The following TENT5B variants were observed in gnomAD, a reference collection of about 807,000 sequenced individuals.
The protein encoded by TENT5B is terminal nucleotidyltransferase 5B, also known as family with sequence similarity 46 member B.
TENT5B carries 12 observed loss-of-function variants against 21.7 expected under a neutral mutation model. The observed-to-expected ratio is 0.55, with a 90% confidence interval of 0.36 to 0.90. TENT5B has a LOEUF of 0.90. Ranked by LOEUF, TENT5B falls within the 40% of genes least tolerant of loss-of-function variation. The probability of loss-of-function intolerance (pLI) is 0.01; values close to 1 mark genes in which losing one functional copy is unlikely to be tolerated. For missense variants in TENT5B, 540 were observed against 601.5 expected, an observed-to-expected ratio of 0.90 and a Z score of 1.07; for synonymous variants, 262 against 266.6, an observed-to-expected ratio of 0.98 and a Z score of 0.17.
intron 1 of TENT5B, among the ~76,000 whole-genome samples, chr1:27,010,778 C>G (rs752823302): frequency 6.6e-6 from 1 of 152,214 alleles, no homozygotes; most frequent in Non-Finnish European, 1.5e-5. Context: ...GGACATGGCA[C>G]CACCATTGCA....
intron 1 of TENT5B, among the ~76,000 whole-genome samples, chr1:27,010,174 G>A (rs1290000296): frequency 6.6e-6 from 1 of 152,172 alleles, no homozygotes; most frequent in Non-Finnish European, 1.5e-5. Flanking sequence ...GAAGGCAAAG[G>A]ACTTGTCCAA....
chr1:27,011,575 C>T (rs1195438629), intron 1 of TENT5B, among the ~76,000 whole-genome samples: 2 of 152,132 alleles, frequency 1.3e-5, no homozygotes, highest in African/African-American at 4.8e-5. Context: ...AATGACCACA[C>T]TGTGGTATTT....
chr1:27,005,980 C>T lies in TENT5B; in HGVS notation c.1242G>A (p.Leu414=). The T allele has an allele frequency of 6.3e-7, 1 of 1,588,286 alleles. No homozygotes were observed. Among genetic ancestry groups the T allele is most frequent in the South Asian group, 1.1e-5 (1 of 87,068 alleles). The stretch of plus-strand genomic sequence containing the variant: ...GCAGCCAGGTGGGATAGGCGTGAGC[C>T]AGGAGAGGTTGCACGGGGGTCACGT... The part of the protein sequence containing the change: ...NYYVTPVQPL[L]AHAYPTWLPC... The change falls in exon 2 of 2, where the codon CTG becomes CTA. Residue 414 remains leucine (L), a synonymous_variant. Transcript: ENST00000289166.
rs550466038 is a variant in TENT5B, at chr1:27,005,039, A to G, written c.*905T>C. 6.6e-6 allele frequency: 1 copy of G among 152,638 alleles called. No homozygotes were observed. Among genetic ancestry groups the G allele is most frequent in the Non-Finnish European group, 1.5e-5 (1 of 68,050 alleles). 9.5% of individuals were successfully genotyped at this position (152,638 alleles called of 1,614,324 possible). ...CTAAGGTTCAGTGTAGACCGTCTTT[A>G]TTGGCAGGTGTTAAGAGTGCAAAAT... On this transcript the variant is annotated 3_prime_UTR_variant, in exon 2 of 2. Coordinates refer to ENST00000289166, the MANE Select transcript of TENT5B (RefSeq NM_052943.4).
At chr1:27,007,316 TAC>T (rs1291421067) in intron 1 of TENT5B, among the ~76,000 whole-genome samples, 2 of 151,740 alleles carry the variant, frequency 1.3e-5, no homozygotes, top group South Asian at 2.1e-4. Context: ...AAAATGGAAG[TAC>T]AGAGGGGCCA....
chr1:27,009,120 G>T (rs538109462), intron 1 of TENT5B, among the ~76,000 whole-genome samples: 2 of 149,362 alleles, frequency 1.3e-5, no homozygotes, highest in African/African-American at 2.5e-5. Flanking sequence ...GTGCGTGCGT[G>T]CCACCACACC....
chr1:27,012,618 A>C lies in TENT5B; in HGVS notation c.53T>G (p.Val18Gly). The C allele has an allele frequency of 1.3e-6, 2 of 1,519,880 alleles. No individual in the cohort carries two copies. Among genetic ancestry groups the C allele is most frequent in the East Asian group, 5.0e-5 (2 of 39,814 alleles). 94.1% of individuals were successfully genotyped at this position (1,519,880 alleles called of 1,614,324 possible). Residue 18 changes from valine to glycine, a missense_variant, in exon 1 of 2, where the codon GTG becomes GGG. Coordinates refer to ENST00000289166, the MANE Select transcript of TENT5B (RefSeq NM_052943.4). ...CACCGCCGTGGCCGCAGCCGTCCCC[A>C]CCTGAGCAGCCGCCCGGTCCCTGCG... ...AERRDRAAAQVGTAAATAVAT... is the reference protein window; with the variant it reads ...AERRDRAAAQGGTAAATAVAT...
In TENT5B at chr1:27,006,475, G is replaced by T; in HGVS notation, c.747C>A (p.Ser249Arg). 1 of 1,614,078 alleles carries T rather than the reference G, an allele frequency of 6.2e-7. No individual in the cohort carries two copies. Among genetic ancestry groups the T allele is most frequent in the East Asian group, 2.2e-5 (1 of 44,880 alleles). The change falls in exon 2 of 2, where the codon AGC (serine) becomes AGA (arginine). Residue 249 changes from serine (S) to arginine (R), a missense_variant. Ser to Arg is a moderately radical substitution (Grantham distance 110). Coordinates refer to ENST00000289166, the MANE Select transcript of TENT5B (RefSeq NM_052943.4). This position sits in a 1 kb window ranked among gnomAD's most constrained non-coding sequence, Gnocchi z 9.4. ...EAFHPTVTGE[S>R]LYGDFTEALE... ...GGGCCTCGGTGAAGTCCCCGTACAGGCTTTCGCCTGTGACCGTTGGGTGGA... is the reference window on the plus strand; with the variant it reads ...GGGCCTCGGTGAAGTCCCCGTACAGTCTTTCGCCTGTGACCGTTGGGTGGA...
intron 1 of TENT5B, among the ~76,000 whole-genome samples, chr1:27,007,433 T>G (rs1438741279): frequency 6.7e-6 from 1 of 148,438 alleles, no homozygotes; most frequent in Non-Finnish European, 1.5e-5. Flanking sequence ...ACTTTGCCAC[T>G]CAGGTTGGAG....
rs557466090 is a variant in TENT5B at position 27,006,703 on chromosome 1, G to A, written c.519C>T (p.Tyr173=). The A allele has an allele frequency of 2.4e-5, 38 of 1,614,156 alleles. No individual in the cohort carries two copies. The highest frequency in any genetic ancestry group is 2.1e-4 in the African/African-American group (16 of 75,058). The part of the protein sequence containing the change: ...KITPLTLKEA[Y]VQKLVKVCTD... ...TGCACACTTTCACCAGCTTCTGCAC[G>A]TATGCCTCCTTGAGTGTCAGTGGCG... The change falls in exon 2 of 2, where the codon TAC becomes TAT. Residue 173 remains tyrosine, a synonymous_variant. Coordinates refer to ENST00000289166, the MANE Select transcript of TENT5B (RefSeq NM_052943.4). This position sits in a 1 kb window ranked among gnomAD's most constrained non-coding sequence, Gnocchi z 9.4.
intron 1 of TENT5B, among the ~76,000 whole-genome samples, chr1:27,008,597 T>C (rs1472665026): frequency 6.6e-6 from 1 of 151,658 alleles, no homozygotes; most frequent in Non-Finnish European, 1.5e-5. Context: ...GTTGCCAGAA[T>C]CTATGGGGAC....
At chr1:27,010,654 C>T (rs1412227523) in intron 1 of TENT5B, among the ~76,000 whole-genome samples, 1 of 152,160 alleles carries the variant, frequency 6.6e-6, no homozygotes, top group East Asian at 1.9e-4. Flanking sequence ...ACAAACAGTC[C>T]AGGGCCTGAA....
chr1:27,006,169 G>A lies in TENT5B; in HGVS notation c.1053C>T (p.Asn351=), dbSNP rs1215668844. ...ACLVTLHRVV[N]ESTVCLMNHE... is the part of the protein sequence containing the mutation. ...GGTTCATGAGGCACACGGTGCTCTC[G>A]TTGACCACCCGGTGCAGTGTCACCA... The change falls in exon 2 of 2, where the codon AAC becomes AAT. Residue 351 remains asparagine (N), a synonymous_variant. Coordinates refer to ENST00000289166, the MANE Select transcript of TENT5B (RefSeq NM_052943.4). This position sits in a 1 kb window ranked among gnomAD's most constrained non-coding sequence, Gnocchi z 9.4. The A allele has an allele frequency of 1.1e-5, 17 of 1,611,088 alleles. No homozygotes were observed. The highest frequency in any genetic ancestry group is 6.7e-5 in the East Asian group (3 of 44,826).
In TENT5B at chr1:27,012,784, C is replaced by G; in HGVS notation, c.-114G>C. On this transcript the variant is annotated 5_prime_UTR_variant, in exon 1 of 2. Coordinates refer to ENST00000289166, the MANE Select transcript of TENT5B (RefSeq NM_052943.4). ...GGGGGGCACGAAGGCAGGGACGGGG[C>G]GGCAACGACGGCGAGACAAAGCCAG... 1 of 1,247,920 alleles carries G rather than the reference C, an allele frequency of 8.0e-7. No individual in the cohort carries two copies. The allele number at this position is 1,247,920 out of a possible 1,614,324, so 77.3% of individuals were successfully genotyped here. A position where few individuals can be genotyped will look rare whatever the true frequency, so the allele number is the denominator to read the frequency against.
In TENT5B at chr1:27,005,969, T is replaced by C. The variant is rs776710051; in HGVS notation, c.1253A>G (p.Tyr418Cys). ...TCAGTTACAAGGCAGCCAGGTGGGA[T>C]AGGCGTGAGCCAGGAGAGGTTGCAC... ...TPVQPLLAHA[Y>C]PTWLPCN Residue 418 changes from tyrosine (Y) to cysteine (C), a missense_variant, in exon 2 of 2, where the codon TAT becomes TGT. Transcript: ENST00000289166. 9.5e-6 allele frequency: 15 copies of C among 1,574,812 alleles called. No homozygotes were observed. Among genetic ancestry groups the C allele is most frequent in the Admixed American group, 7.0e-5 (4 of 57,032 alleles).
intron 1 of TENT5B, among the ~76,000 whole-genome samples, chr1:27,011,906 G>A (rs2082625111): frequency 6.6e-6 from 1 of 152,122 alleles, no homozygotes; most frequent in South Asian, 2.1e-4. Flanking sequence ...GCTTTTCCAC[G>A]GGGTGGAGGG....
rs1043187250 is a variant in TENT5B, at chr1:27,005,699, C to G, written c.*245G>C. 12 of 480,148 alleles carry G rather than the reference C, an allele frequency of 2.5e-5. No individual in the cohort carries two copies. The highest frequency in any genetic ancestry group is 5.4e-4 in the Middle Eastern group (1 of 1,868). 29.7% of individuals were successfully genotyped at this position (480,148 alleles called of 1,614,324 possible). On this transcript the variant is annotated 3_prime_UTR_variant, in exon 2 of 2. Transcript: ENST00000289166. ...AAGACAAATGGCGCCTGCACCCCACCGGCATGCTGGTCCAAAAGTGTGATG... is the reference window on the plus strand; with the variant it reads ...AAGACAAATGGCGCCTGCACCCCACGGGCATGCTGGTCCAAAAGTGTGATG...
At chr1:27,010,725 C>T (rs754036893) in intron 1 of TENT5B, among the ~76,000 whole-genome samples, 32 of 152,306 alleles carry the variant, frequency 2.1e-4, no homozygotes, top group Middle Eastern at 3.4e-3. Flanking sequence ...TCACCATCGC[C>T]GACAGCTCCC....
Position 27,006,490 on chromosome 1 carries a change from C to G in TENT5B, c.732G>C (p.Thr244=), listed in dbSNP as rs61738581. ...STPMSEAFHP[T]VTGESLYGDF... is the part of the protein sequence containing the mutation. ...CCCCGTACAGGCTTTCGCCTGTGACCGTTGGGTGGAAGGCCTCAGACATGG... is the reference window on the plus strand; with the variant it reads ...CCCCGTACAGGCTTTCGCCTGTGACGGTTGGGTGGAAGGCCTCAGACATGG... Residue 244 remains threonine (T), a synonymous_variant, in exon 2 of 2, where the codon ACG becomes ACC. Coordinates refer to ENST00000289166, the MANE Select transcript of TENT5B (RefSeq NM_052943.4). This position sits in a 1 kb window ranked among gnomAD's most constrained non-coding sequence, Gnocchi z 9.4. 9.3e-6 allele frequency: 15 copies of G among 1,614,048 alleles called. No individual in the cohort carries two copies. The highest frequency in any genetic ancestry group is 1.2e-5 in the Non-Finnish European group (14 of 1,180,008).
Sources: gnomAD v4.1 joint callset for allele counts (sites outside exome capture counted in the v4.1 genomes callset) on GRCh38, gnomAD v4.1.1 for gene constraint, Gnocchi (gnomAD v3.1) non-coding constraint, MANE v1.5 for transcripts, NCBI Gene and HGNC (gene_info 2026-07-23, HGNC 2026-07-21) for gene names.